The following CHSY3 variants were observed in gnomAD, a reference collection of about 807,000 sequenced individuals.
The protein encoded by CHSY3 is N-acetylgalactosaminyl-proteoglycan 3-beta-glucuronosyltransferase 3.
A neutral mutation model predicts 67.2 loss-of-function variants in CHSY3; 35 were observed. The ratio of observed to expected loss-of-function variants is 0.52; its 90% confidence interval spans 0.40 to 0.69. The LOEUF (loss-of-function observed/expected upper bound fraction) is 0.69. Ranked by LOEUF, CHSY3 falls within the 30% of genes least tolerant of loss-of-function variation. The probability of loss-of-function intolerance (pLI) is 0.00; values close to 1 mark genes in which losing one functional copy is unlikely to be tolerated. For synonymous variants in CHSY3, 474 were observed against 434.7 expected (o/e 1.09, Z -1.12); for missense variants, 1,069 against 1,138.5 (o/e 0.94, Z 0.88).
rs182051888 is a variant in CHSY3, at chr5:130,169,348, G to A, written c.1087-14881G>A. Among the ~76,000 whole-genome samples, 399 of 152,008 alleles carry A rather than the reference G, an allele frequency of 2.6e-3. 3 individuals are homozygous for A. The Middle Eastern group carries it at 0.054, about 21-fold the overall frequency. ...TAGACCAAATGACATAAGAAACTCC[G>A]TAAAAAACAATTAACACTGAACACT... On this transcript the variant is annotated intron_variant, in intron 2 of 2. Transcript: ENST00000305031.
At chr5:130,011,900 A>G (rs886838700) in intron 2 of CHSY3, among the ~76,000 whole-genome samples, 7 of 152,216 alleles carry the variant, frequency 4.6e-5, no homozygotes, top group Non-Finnish European at 8.8e-5. Context: ...GAATACAGCT[A>G]ACCAAGGAGG....
chr5:130,183,184 T>G (rs1216297545), intron 2 of CHSY3, among the ~76,000 whole-genome samples: 2 of 152,138 alleles, frequency 1.3e-5, no homozygotes, highest in Non-Finnish European at 2.9e-5. Flanking sequence ...GGTGTCTTAA[T>G]CGACTGGCAG....
chr5:129,999,048 TAAAAATGTTTA>T (rs1258412060), intron 2 of CHSY3, among the ~76,000 whole-genome samples: 1 of 151,774 alleles, frequency 6.6e-6, no homozygotes, highest in African/African-American at 2.4e-5. Context: ...TACAAGTTTT[TAAAAATGTTTA>T]AAACCCTGAT....
chr5:130,007,140 T>C (rs1763900372), intron 2 of CHSY3, among the ~76,000 whole-genome samples: 1 of 152,194 alleles, frequency 6.6e-6, no homozygotes, highest in Non-Finnish European at 1.5e-5. Context: ...TTGTTATGTG[T>C]TGGTTTATAC....
intron 2 of CHSY3, among the ~76,000 whole-genome samples, chr5:129,914,646 C>T (rs1196996886): frequency 3.3e-5 from 5 of 152,208 alleles, no homozygotes; most frequent in Non-Finnish European, 7.3e-5. Context: ...ATGAAATCAT[C>T]ATGCATCGAT....
chr5:130,025,057 G>A (rs907405206), intron 2 of CHSY3, among the ~76,000 whole-genome samples: 1 of 152,086 alleles, frequency 6.6e-6, no homozygotes, highest in African/African-American at 2.4e-5. Flanking sequence ...TTCTTCCCTT[G>A]AGAAGTATTT....
chr5:130,091,572 T>C (rs79955066), intron 2 of CHSY3, among the ~76,000 whole-genome samples: 115 of 152,242 alleles, frequency 7.6e-4, no homozygotes, highest in East Asian at 7.0e-3. Flanking sequence ...AACAAGAACA[T>C]GAATGGCTGA....
At chr5:130,180,988 A>G (rs1770226585) in intron 2 of CHSY3, among the ~76,000 whole-genome samples, 1 of 152,256 alleles carries the variant, frequency 6.6e-6, no homozygotes. Context: ...ATAATTCAAC[A>G]TAAAACTACC....
At chr5:130,149,552 A>T (rs560731924) in intron 2 of CHSY3, among the ~76,000 whole-genome samples, 1 of 152,214 alleles carries the variant, frequency 6.6e-6, no homozygotes. Flanking sequence ...CGCCCCCATG[A>T]TCCAAACACC....
intron 2 of CHSY3, chr5:130,001,478 G>A: frequency 1.1e-6 from 1 of 948,112 alleles, no homozygotes; most frequent in Non-Finnish European, 1.3e-6. Context: ...CTTTGTGCCT[G>A]TGGCAGAGAC....
chr5:130,143,164 A>G (rs372810005), intron 2 of CHSY3, among the ~76,000 whole-genome samples: 1 of 152,194 alleles, frequency 6.6e-6, no homozygotes, highest in Admixed American at 6.6e-5. Flanking sequence ...TGCCTTACCC[A>G]TAAAGAGCTA....
At chr5:129,989,308 C>T (rs1013431099) in intron 2 of CHSY3, among the ~76,000 whole-genome samples, 6 of 146,742 alleles carry the variant, frequency 4.1e-5, no homozygotes, top group African/African-American at 1.0e-4. Context: ...GTTGCCCAGG[C>T]TGGAGTGCAA....
intron 2 of CHSY3, among the ~76,000 whole-genome samples, chr5:129,925,222 A>G (rs1006127719): frequency 6.6e-6 from 1 of 152,198 alleles, no homozygotes; most frequent in Non-Finnish European, 1.5e-5. Flanking sequence ...TTGAATATCT[A>G]GACTAAGGCC....
chr5:129,906,341 A>G (rs1760298929), intron 1 of CHSY3, among the ~76,000 whole-genome samples: 1 of 152,062 alleles, frequency 6.6e-6, no homozygotes, highest in Admixed American at 6.5e-5. Context: ...GAGGATGGGC[A>G]TGTTGTAAGG....
chr5:130,088,798 A>G lies in CHSY3; in HGVS notation c.1087-95431A>G, dbSNP rs544749072. Among the ~76,000 whole-genome samples, 57 of 152,192 alleles carry G rather than the reference A, an allele frequency of 3.7e-4. No homozygotes were observed. The South Asian group carries it at 6.6e-3, about 18-fold the overall frequency. ...GGGACTGTAAACTAGTTCAACCATT[A>G]TGGAAGTCAGTGTGGCGATTCCTCA... On this transcript the variant is annotated intron_variant, in intron 2 of 2. Transcript: ENST00000305031.
intron 2 of CHSY3, among the ~76,000 whole-genome samples, chr5:129,977,992 A>T (rs1338485833): frequency 2.0e-5 from 3 of 152,110 alleles, no homozygotes; most frequent in African/African-American, 7.2e-5. Flanking sequence ...AACTTTCACC[A>T]GATCCCTTCA....
At chr5:130,032,880 A>G (rs1011705606) in intron 2 of CHSY3, among the ~76,000 whole-genome samples, 11 of 152,170 alleles carry the variant, frequency 7.2e-5, no homozygotes, top group African/African-American at 2.7e-4. Flanking sequence ...GGAAGCCATT[A>G]GACAGCCACG....
At chr5:130,074,001 G>A (rs1229086643) in intron 2 of CHSY3, among the ~76,000 whole-genome samples, 1 of 152,064 alleles carries the variant, frequency 6.6e-6, no homozygotes, top group Non-Finnish European at 1.5e-5. Flanking sequence ...TCTTTTCTGT[G>A]TCCTAGTGAA....
chr5:130,050,556 A>ACTCTCTATG (rs1765310440), intron 2 of CHSY3, among the ~76,000 whole-genome samples: 1 of 152,102 alleles, frequency 6.6e-6, no homozygotes, highest in Non-Finnish European at 1.5e-5. Context: ...TATAGAATTT[A>ACTCTCTATG]CTCTCTATGG....
Sources: gnomAD v4.1 joint callset for allele counts (sites outside exome capture counted in the v4.1 genomes callset) on GRCh38, gnomAD v4.1.1 for gene constraint, MANE v1.5 for transcripts, NCBI Gene and HGNC (gene_info 2026-07-23, HGNC 2026-07-21) for gene names.